The following TBCE variants were observed in gnomAD, a reference collection of about 807,000 sequenced individuals.
TBCE encodes tubulin-specific chaperone E.
In TBCE, 53 loss-of-function variants were observed where a neutral mutation model predicts 77.0. The ratio of observed to expected loss-of-function variants is 0.69; its 90% confidence interval spans 0.55 to 0.87. TBCE has a LOEUF of 0.87. Ranked by LOEUF, TBCE falls within the 40% of genes least tolerant of loss-of-function variation. TBCE has a pLI of 0.00. For missense variants in TBCE, 624 were observed against 622.4 expected (o/e 1.00, Z -0.03); for synonymous variants, 235 against 241.3 (o/e 0.97, Z 0.24).
intron 14 of TBCE, 92 bp downstream of exon 14, chr1:235,441,974 G>A (rs1355697613): frequency 9.2e-7 from 1 of 1,089,948 alleles, no homozygotes; most frequent in African/African-American, 1.6e-5. Flanking sequence ...TACCTCTTAA[G>A]TACCTAAGTA....
In TBCE at chr1:235,370,542, C is replaced by T. The variant is rs545778040; in HGVS notation, c.-32+3038C>T. ...CTGGGATTACAGGCGTGAGCCACTG[C>T]ACCCGGCATTTTTTTTTTTTTTTTG... is the stretch of plus-strand genomic sequence containing the variant. On this transcript the variant is annotated intron_variant, in intron 1 of 16. Coordinates refer to ENST00000642610, the MANE Select transcript of TBCE (RefSeq NM_003193.5). Among the ~76,000 whole-genome samples the T allele has an allele frequency of 2.4e-3, 358 of 146,680 alleles. 1 individual carries two copies. The Middle Eastern group carries it at 0.025, about 10-fold the overall frequency.
intron 5 of TBCE, among the ~76,000 whole-genome samples, chr1:235,426,212 A>C (rs2102904527): frequency 6.6e-6 from 1 of 152,162 alleles, no homozygotes; most frequent in East Asian, 1.9e-4. Context: ...CTGCACCTGC[A>C]CCTAGCCCCT....
intron 2 of TBCE, among the ~76,000 whole-genome samples, chr1:235,385,622 A>C (rs1471594597): frequency 1.3e-5 from 2 of 152,066 alleles, no homozygotes; most frequent in Admixed American, 1.3e-4. Context: ...CTGTTTTATC[A>C]GAGACTAGGA....
chr1:235,434,342 G>A, intron 8 of TBCE, 62 bp downstream of exon 8: 1 of 1,413,612 alleles, frequency 7.1e-7, no homozygotes, highest in Non-Finnish European at 1.0e-6. Context: ...GTAAATAAAT[G>A]GTCTCAATTA....
At position 235,393,193 on chromosome 1, in the gene TBCE, G is replaced by A. The variant is rs192012148; in HGVS notation, c.101-8310G>A. ...TGTAGCATTTATTTACCTACTATTGGCTTTTCACATTATTTATATACTGAG... is the reference window on the plus strand; with the variant it reads ...TGTAGCATTTATTTACCTACTATTGACTTTTCACATTATTTATATACTGAG... On this transcript the variant is annotated intron_variant, in intron 2 of 16. Coordinates refer to ENST00000642610, the MANE Select transcript of TBCE (RefSeq NM_003193.5). 5.9e-5 allele frequency among the ~76,000 whole-genome samples: 9 copies of A among 152,122 alleles called. 1 individual carries two copies. In the East Asian group the frequency reaches 1.7e-3, roughly 29 times the overall value.
chr1:235,393,083 G>C (rs1043932126), intron 2 of TBCE, among the ~76,000 whole-genome samples: 1 of 152,062 alleles, frequency 6.6e-6, no homozygotes, highest in African/African-American at 2.4e-5. Flanking sequence ...TTCCCATATA[G>C]AGAAAAATCT....
At position 235,436,590 on chromosome 1, in the gene TBCE, C is replaced by A. The variant is rs138014826; in HGVS notation, c.945C>A (p.Asn315Lys). Residue 315 changes from asparagine to lysine, a missense_variant, in exon 11 of 17, where the codon AAC becomes AAA. Coordinates refer to ENST00000642610, the MANE Select transcript of TBCE (RefSeq NM_003193.5). ...MFPSLKYLVV[N>K]DNQISQWSFF... ...CATCCTTGAAGTACCTGGTAGTAAA[C>A]GACAATCAGATATCACAAGTAAGAG... 6.2e-7 allele frequency: 1 copy of A among 1,613,914 alleles called. No homozygotes were observed. The highest frequency in any genetic ancestry group is 1.1e-5 in the South Asian group (1 of 91,080).
At chr1:235,439,631 G>T (rs1681706046) in intron 13 of TBCE, among the ~76,000 whole-genome samples, 1 of 148,894 alleles carries the variant, frequency 6.7e-6, no homozygotes, top group African/African-American at 2.5e-5. Flanking sequence ...GGGATTAGAG[G>T]CGCCCGCCAC....
intron 1 of TBCE, among the ~76,000 whole-genome samples, chr1:235,377,264 C>T (rs1186747414): frequency 1.3e-5 from 2 of 152,264 alleles, no homozygotes; most frequent in Admixed American, 6.5e-5. Flanking sequence ...ACTGCAACCT[C>T]TGCCTCCCGC....
intron 3 of TBCE, among the ~76,000 whole-genome samples, chr1:235,407,725 A>T (rs1315484470): frequency 6.6e-6 from 1 of 152,162 alleles, no homozygotes; most frequent in Non-Finnish European, 1.5e-5. Context: ...CCCAAGATTT[A>T]TCCAAGATTT....
rs886660276 is a variant in TBCE at position 235,449,578 on chromosome 1, T to C, written c.*816T>C. The C allele has an allele frequency of 2.0e-5, 3 of 152,638 alleles. No homozygotes were observed. The highest frequency in any genetic ancestry group is 7.2e-5 in the African/African-American group (3 of 41,598). The allele number at this position is 152,638 out of a possible 1,614,324, so 9.5% of individuals were successfully genotyped here. On this transcript the variant is annotated 3_prime_UTR_variant, in exon 17 of 17. Transcript: ENST00000642610. ...AGAAAATTTGGGTATTAGTCTACCA[T>C]ATAAATGAACTTCTTTAAAACCAAG... is the stretch of plus-strand genomic sequence containing the variant.
chr1:235,387,849 A>C (rs563189060), intron 2 of TBCE, among the ~76,000 whole-genome samples: 7 of 152,262 alleles, frequency 4.6e-5, no homozygotes, highest in African/African-American at 1.7e-4. Flanking sequence ...CCAGTCTGTA[A>C]AGTGAAAACA....
intron 1 of TBCE, among the ~76,000 whole-genome samples, chr1:235,371,681 T>C (rs1220945727): frequency 1.3e-5 from 2 of 151,416 alleles, no homozygotes; most frequent in Non-Finnish European, 2.9e-5. Context: ...CGGCCCCACC[T>C]TTTTTTCTGA....
chr1:235,369,859 C>T (rs72759703), intron 1 of TBCE, among the ~76,000 whole-genome samples: 9,634 of 151,438 alleles, frequency 0.064, 359 homozygotes, highest in Non-Finnish European at 0.077. Flanking sequence ...CCGAAGTCTT[C>T]AGAGTGGATT....
intron 1 of TBCE, among the ~76,000 whole-genome samples, chr1:235,371,811 T>A (rs1480339407): frequency 1.3e-5 from 2 of 152,148 alleles, no homozygotes; most frequent in Admixed American, 1.3e-4. Context: ...TAGCTGGGAT[T>A]ACAGGGACCC....
chr1:235,409,495 A>G (rs1213190164), intron 3 of TBCE, among the ~76,000 whole-genome samples: 1 of 152,028 alleles, frequency 6.6e-6, no homozygotes, highest in Non-Finnish European at 1.5e-5. Flanking sequence ...GTTTTTCACT[A>G]TTTGTTGAGG....
chr1:235,440,041 G>C (rs551822480), intron 13 of TBCE, among the ~76,000 whole-genome samples: 3 of 152,030 alleles, frequency 2.0e-5, no homozygotes, highest in Non-Finnish European at 4.4e-5. Context: ...CGCGATCTCC[G>C]CTCACTGCAA....
intron 5 of TBCE, among the ~76,000 whole-genome samples, chr1:235,424,388 G>A (rs114383902): frequency 0.01 from 1,203 of 117,558 alleles, 13 homozygotes; most frequent in African/African-American, 0.044. Flanking sequence ...GCAGTGGCGC[G>A]ATCTTGGCTC....
chr1:235,403,588 G>A, intron 3 of TBCE, among the ~76,000 whole-genome samples: 1 of 152,100 alleles, frequency 6.6e-6, no homozygotes, highest in East Asian at 1.9e-4. Context: ...TACTTTTATG[G>A]TCTTTAATGG....
Sources: allele counts gnomAD v4.1 joint callset (sites outside exome capture counted in the v4.1 genomes callset), GRCh38; gene constraint gnomAD v4.1.1; transcripts MANE v1.5; gene names NCBI Gene and HGNC (gene_info 2026-07-23, HGNC 2026-07-21).